The following PBX3 variants were observed in gnomAD, a reference collection of about 807,000 sequenced individuals.
The protein encoded by PBX3 is pre-B-cell leukemia transcription factor 3.
In PBX3, 14 loss-of-function variants were observed where a neutral mutation model predicts 48.5. That is an observed-to-expected ratio of 0.29 (90% CI 0.19 to 0.45). PBX3 has a LOEUF of 0.45. Among genes scored for constraint, PBX3 ranks in the 20% least tolerant of loss-of-function variants. The pLI, the probability that PBX3 is intolerant of heterozygous loss-of-function variation, is 1.00. For missense variants in PBX3, 386 were observed against 546.7 expected, an observed-to-expected ratio of 0.71 and a Z score of 2.93; for synonymous variants, 210 against 200.3, an observed-to-expected ratio of 1.05 and a Z score of -0.41.
chr9:125,806,681 C>T (rs974198988), intron 2 of PBX3, among the ~76,000 whole-genome samples: 1 of 152,154 alleles, frequency 6.6e-6, no homozygotes, highest in Admixed American at 6.5e-5. Context: ...GTGTTCAAAT[C>T]ATGGCAGTCA....
At chr9:125,772,601 C>T (rs12376820) in intron 2 of PBX3, among the ~76,000 whole-genome samples, 2 of 152,302 alleles carry the variant, frequency 1.3e-5, no homozygotes, top group African/African-American at 4.8e-5. Context: ...CTAATTTTTC[C>T]TGAGCTTTAG....
chr9:125,770,622 T>C (rs1836916948), intron 2 of PBX3, among the ~76,000 whole-genome samples: 1 of 152,146 alleles, frequency 6.6e-6, no homozygotes, highest in South Asian at 2.1e-4. Context: ...ACTGGATGAA[T>C]CCTGGGAAGG....
rs575793648 is a variant in PBX3, at chr9:125,843,423, C to T, written c.275-72263C>T. On this transcript the variant is annotated intron_variant, in intron 2 of 8. Coordinates refer to ENST00000373489, the MANE Select transcript of PBX3 (RefSeq NM_006195.6). ...GCCTGGTATGGTCATATGGGGTATA[C>T]GGAGAATTTTTAAAAAGGCTTTTTC... Among the ~76,000 whole-genome samples, 108 of 151,958 alleles carry T rather than the reference C, an allele frequency of 7.1e-4. 1 individual carries two copies. Among genetic ancestry groups the T allele is most frequent in the African/African-American group, 2.4e-3 (100 of 41,438 alleles).
At chr9:125,875,185 C>T (rs1308739343) in intron 2 of PBX3, among the ~76,000 whole-genome samples, 1 of 152,092 alleles carries the variant, frequency 6.6e-6, no homozygotes, top group Admixed American at 6.6e-5. Context: ...TGCTAAATTG[C>T]CCTTTAGAAA....
intron 2 of PBX3, among the ~76,000 whole-genome samples, chr9:125,781,700 C>T (rs1837322761): frequency 6.6e-6 from 1 of 151,714 alleles, no homozygotes; most frequent in African/African-American, 2.4e-5. Context: ...TTGTTGTTTC[C>T]ACTCCAACTT....
intron 2 of PBX3, among the ~76,000 whole-genome samples, chr9:125,792,873 A>AT (rs1224719014): frequency 6.7e-6 from 1 of 149,282 alleles, no homozygotes; most frequent in Non-Finnish European, 1.5e-5. Context: ...TAATTTTTGT[A>AT]TTTTTTAGTA....
intron 2 of PBX3, among the ~76,000 whole-genome samples, chr9:125,860,619 G>A (rs558220085): frequency 3.2e-4 from 48 of 152,112 alleles, no homozygotes; most frequent in African/African-American, 4.8e-4. Context: ...GGCCAGGTGC[G>A]GTGGCTCATG....
At chr9:125,811,626 A>G (rs149542792) in intron 2 of PBX3, among the ~76,000 whole-genome samples, 15 of 152,274 alleles carry the variant, frequency 9.9e-5, no homozygotes, top group African/African-American at 3.6e-4. Flanking sequence ...TCTTTTCTTT[A>G]TAAATTACCC....
In PBX3 at chr9:125,782,511, C is replaced by T. The variant is rs148751770; in HGVS notation, c.274+33888C>T. On this transcript the variant is annotated intron_variant, in intron 2 of 8. Transcript: ENST00000373489. ...TATTGTTACAAATTACATTTTTATACGTGTGTGCTCATTAAAATAGCCATA... is the reference window on the plus strand; with the variant it reads ...TATTGTTACAAATTACATTTTTATATGTGTGTGCTCATTAAAATAGCCATA... Among the ~76,000 whole-genome samples the T allele has an allele frequency of 4.0e-3, 614 of 152,250 alleles. 18 individuals carry two copies. The highest frequency in any genetic ancestry group is 0.037 in the Admixed American group (564 of 15,296).
chr9:125,925,828 G>A (rs1327960139), intron 3 of PBX3, among the ~76,000 whole-genome samples: 2 of 152,134 alleles, frequency 1.3e-5, no homozygotes, highest in African/African-American at 4.8e-5. Context: ...GAGAAATTTT[G>A]TGGCCAAATT....
chr9:125,867,130 G>C lies in PBX3; in HGVS notation c.275-48556G>C, dbSNP rs78879157. On this transcript the variant is annotated intron_variant, in intron 2 of 8. Transcript: ENST00000373489. ...AGGGATTTCAAAGGAAGCTTGAGAAGTGTAGTTTAACAAGCACACAAATGA... is the reference window on the plus strand; with the variant it reads ...AGGGATTTCAAAGGAAGCTTGAGAACTGTAGTTTAACAAGCACACAAATGA... Among the ~76,000 whole-genome samples, 8 of 152,094 alleles carry C rather than the reference G, an allele frequency of 5.3e-5. No homozygotes were observed. The East Asian group carries it at 1.5e-3, about 29-fold the overall frequency.
At chr9:125,863,211 ATTTT>A in intron 2 of PBX3, among the ~76,000 whole-genome samples, 1 of 128,778 alleles carries the variant, frequency 7.8e-6, no homozygotes, top group South Asian at 2.5e-4. Flanking sequence ...ACATGACATG[ATTTT>A]TTTTTTTTTT....
At chr9:125,946,479 A>G (rs1842066136) in intron 5 of PBX3, among the ~76,000 whole-genome samples, 1 of 152,184 alleles carries the variant, frequency 6.6e-6, no homozygotes, top group Admixed American at 6.5e-5. Context: ...AACTATGCTT[A>G]ATATCTATAA....
At chr9:125,848,418 C>T (rs964902591) in intron 2 of PBX3, among the ~76,000 whole-genome samples, 5 of 151,846 alleles carry the variant, frequency 3.3e-5, no homozygotes, top group South Asian at 4.1e-4. Context: ...ATTATTTTGC[C>T]TTCCCAGGAG....
At chr9:125,930,174 G>A (rs899136852) in intron 4 of PBX3, among the ~76,000 whole-genome samples, 5 of 152,158 alleles carry the variant, frequency 3.3e-5, no homozygotes, top group South Asian at 2.1e-4. Context: ...TTAACAAGGG[G>A]TATTTTGTAA....
intron 2 of PBX3, among the ~76,000 whole-genome samples, chr9:125,902,348 A>G (rs1199295832): frequency 6.6e-6 from 1 of 151,656 alleles, no homozygotes; most frequent in Non-Finnish European, 1.5e-5. Flanking sequence ...TACTCGCATT[A>G]TTGTTTCCTT....
At chr9:125,952,794 A>G (rs924372298) in intron 5 of PBX3, among the ~76,000 whole-genome samples, 1 of 152,080 alleles carries the variant, frequency 6.6e-6, no homozygotes, top group Admixed American at 6.6e-5. Context: ...TAAAATGTAT[A>G]TTTTTCTAAT....
At chr9:125,899,309 A>C (rs1156520727) in intron 2 of PBX3, among the ~76,000 whole-genome samples, 3 of 114,846 alleles carry the variant, frequency 2.6e-5, no homozygotes, top group Non-Finnish European at 5.0e-5. Flanking sequence ...ATATACATAT[A>C]TGTATATATT....
intron 4 of PBX3, among the ~76,000 whole-genome samples, chr9:125,932,113 G>T (rs562755303): frequency 1.3e-5 from 2 of 152,088 alleles, no homozygotes; most frequent in South Asian, 4.2e-4. Flanking sequence ...TACTTCCCTG[G>T]CTCCCACAAC....
Sources: allele counts gnomAD v4.1 joint callset (sites outside exome capture counted in the v4.1 genomes callset), GRCh38; gene constraint gnomAD v4.1.1; transcripts MANE v1.5; gene names NCBI Gene and HGNC (gene_info 2026-07-23, HGNC 2026-07-21).